The following TENM3 variants were observed in gnomAD, a reference collection of about 807,000 sequenced individuals.
TENM3 encodes the protein teneurin transmembrane protein 3, also known as teneurin-3.
TENM3 carries 63 observed loss-of-function variants against 255.1 expected under a neutral mutation model. The ratio of observed to expected loss-of-function variants is 0.25; its 90% CI spans 0.20 to 0.30. The LOEUF is 0.30. TENM3 is among the 10% of genes least tolerant of loss of function. The pLI is 1.00. For synonymous variants in TENM3, 1,306 were observed against 1,322.3 expected (o/e 0.99, Z 0.27); for missense variants, 2,929 against 3,461.1 (o/e 0.85, Z 3.86).
At chr4:181,872,714 C>T in the TENM3 span, among the ~76,000 whole-genome samples, 14 of 151,818 alleles carry the variant, frequency 9.2e-5, no homozygotes, top group African/African-American at 3.4e-4. Flanking sequence ...CTTGCTGGGG[C>T]CCATTAATTT....
At chr4:182,362,492 C>G (rs1306034564) in intron 3 of TENM3, among the ~76,000 whole-genome samples, 1 of 152,106 alleles carries the variant, frequency 6.6e-6, no homozygotes. Context: ...TGCTAGCAAT[C>G]AGCGAGACTC....
chr4:182,792,159 T>C lies in TENM3; in HGVS notation c.5602-115T>C. The C allele has an allele frequency of 9.7e-7, 1 of 1,030,118 alleles. No homozygotes were observed. The highest frequency in any genetic ancestry group is 1.4e-6 in the Non-Finnish European group (1 of 695,986). 63.8% of individuals were successfully genotyped at this position (1,030,118 alleles called of 1,614,324 possible). ...ACACGCAAGGTCAAGGATAACTCAA[T>C]TAAAATGAAAATCATTTTCTCTAGT... On this transcript the variant is annotated intron_variant, in intron 25 of 27. Coordinates refer to ENST00000511685, the MANE Select transcript of TENM3 (RefSeq NM_001080477.4). The surrounding 1 kb of genome is among the most constrained non-coding windows in gnomAD (Gnocchi z 6.3).
intron 5 of TENM3, among the ~76,000 whole-genome samples, chr4:182,643,677 A>G (rs1752504537): frequency 6.6e-6 from 1 of 152,188 alleles, no homozygotes; most frequent in South Asian, 2.1e-4. Flanking sequence ...GCAATAGACA[A>G]TCTGTGTTGA....
At chr4:182,231,642 G>T (rs1353011198) in intron 1 of TENM3, among the ~76,000 whole-genome samples, 1 of 152,170 alleles carries the variant, frequency 6.6e-6, no homozygotes, top group African/African-American at 2.4e-5. Context: ...GCCCCATGAG[G>T]TCCTCTCAGC....
At chr4:181,920,224 T>C in the TENM3 span, among the ~76,000 whole-genome samples, 1 of 152,030 alleles carries the variant, frequency 6.6e-6, no homozygotes, top group African/African-American at 2.4e-5. Flanking sequence ...AGCAGCATGA[T>C]TTATAGTCCT....
Position 182,618,875 on chromosome 4 carries a change from A to T in TENM3, c.750-9776A>T, listed in dbSNP as rs1031483044. Among the ~76,000 whole-genome samples, 6 of 152,216 alleles carry T rather than the reference A, an allele frequency of 3.9e-5. No individual in the cohort carries two copies. In the East Asian group the frequency reaches 1.2e-3, roughly 29 times the overall value. On this transcript the variant is annotated intron_variant, in intron 4 of 27. Transcript: ENST00000511685. Reference sequence around the variant, plus strand: ...CAGAACTTCTCTGCTCAGCAATAAAAGAAAAAGAAGAGAAAGAAATGCTAT... The same window carrying T: ...CAGAACTTCTCTGCTCAGCAATAAATGAAAAAGAAGAGAAAGAAATGCTAT...
At chr4:181,916,885 C>CA in the TENM3 span, among the ~76,000 whole-genome samples, 73 of 150,808 alleles carry the variant, frequency 4.8e-4, no homozygotes, top group Non-Finnish European at 8.1e-4. Context: ...AACAAACAAA[C>CA]AAAAAAAAGG....
intron 1 of TENM3, among the ~76,000 whole-genome samples, chr4:182,243,809 A>T (rs1579866672): frequency 6.6e-6 from 1 of 152,152 alleles, no homozygotes; most frequent in African/African-American, 2.4e-5. Flanking sequence ...CTGTTGACTT[A>T]AATATTGGTT....
chr4:181,806,331 T>A, the TENM3 span, among the ~76,000 whole-genome samples: 1 of 152,202 alleles, frequency 6.6e-6, no homozygotes, highest in Non-Finnish European at 1.5e-5. Flanking sequence ...AATTCTGCCC[T>A]TTATTTCCTC....
chr4:181,524,332 C>T, the TENM3 span, among the ~76,000 whole-genome samples: 1 of 152,160 alleles, frequency 6.6e-6, no homozygotes, highest in Non-Finnish European at 1.5e-5. Context: ...ACAAAAACTT[C>T]CATACCGGCC....
chr4:181,643,816 C>T, the TENM3 span, among the ~76,000 whole-genome samples: 2 of 152,084 alleles, frequency 1.3e-5, no homozygotes, highest in East Asian at 3.9e-4. Context: ...GTGGCTCACA[C>T]CTTTAATCCC....
intron 6 of TENM3, among the ~76,000 whole-genome samples, chr4:182,655,347 A>G (rs1292636157): frequency 6.6e-6 from 1 of 152,180 alleles, no homozygotes; most frequent in East Asian, 1.9e-4. Context: ...TATTATGGAT[A>G]TTGTATTTAT....
the TENM3 span, among the ~76,000 whole-genome samples, chr4:181,809,973 C>T: frequency 6.6e-6 from 1 of 152,124 alleles, no homozygotes; most frequent in Admixed American, 6.6e-5. Context: ...GACTTCTCAC[C>T]TCCAGAACTA....
At position 182,478,514 on chromosome 4, in the gene TENM3, C is replaced by CT. The variant is rs575438302; in HGVS notation, c.512-122409dup. Among the ~76,000 whole-genome samples the CT allele has an allele frequency of 6.6e-5, 10 of 151,750 alleles. No individual in the cohort carries two copies. In the East Asian group the frequency reaches 1.7e-3, roughly 26 times the overall value. The stretch of plus-strand genomic sequence containing the variant: ...CCATATGGTGTAAAATTTTGCTGTA[C>CT]TATTTTTCAAGATTTTTTTGTAGCC... On this transcript the variant is annotated intron_variant, in intron 3 of 27. Transcript: ENST00000511685.
At chr4:182,411,525 T>C (rs1025017632) in intron 3 of TENM3, among the ~76,000 whole-genome samples, 2 of 152,170 alleles carry the variant, frequency 1.3e-5, no homozygotes, top group African/African-American at 4.8e-5. Context: ...AAATGCAAAC[T>C]CCTGGCTCCC....
chr4:182,199,894 T>C (rs1754075867), intron 1 of TENM3, among the ~76,000 whole-genome samples: 1 of 151,880 alleles, frequency 6.6e-6, no homozygotes, highest in African/African-American at 2.4e-5. Flanking sequence ...ACCTGGCTAG[T>C]ATTTGTACTT....
chr4:182,161,773 A>G (rs1561153275), intron 1 of TENM3, among the ~76,000 whole-genome samples: 6 of 48,842 alleles, frequency 1.2e-4, no homozygotes, highest in Admixed American at 2.7e-4. Context: ...ATATGTGTAT[A>G]TATATATACA....
chr4:182,214,127 A>G (rs1755273827), intron 1 of TENM3, among the ~76,000 whole-genome samples: 1 of 152,042 alleles, frequency 6.6e-6, no homozygotes, highest in Non-Finnish European at 1.5e-5. Context: ...CTTAAATGAG[A>G]GAAAGAAGTA....
At chr4:182,324,810 T>C (rs1763287619) in intron 2 of TENM3, among the ~76,000 whole-genome samples, 1 of 152,182 alleles carries the variant, frequency 6.6e-6, no homozygotes, top group African/African-American at 2.4e-5. Flanking sequence ...GTAAATTAAG[T>C]TTATACCTTA....
Sources: gnomAD v4.1 joint callset for allele counts (sites outside exome capture counted in the v4.1 genomes callset) on GRCh38, gnomAD v4.1.1 for gene constraint, Gnocchi (gnomAD v3.1) non-coding constraint, MANE v1.5 for transcripts, NCBI Gene and HGNC (gene_info 2026-07-23, HGNC 2026-07-21) for gene names.